FGF2: variants seen among roughly 807,000 people sequenced by gnomAD.
FGF2 encodes the protein basic fibroblast growth factor bFGF.
In FGF2, 13 loss-of-function variants were observed where a neutral mutation model predicts 15.9. That is an observed-to-expected ratio of 0.82 (90% CI 0.53 to 1.30). The LOEUF (loss-of-function observed/expected upper bound fraction) is 1.30, where lower values mean the gene tolerates loss of function less well. FGF2 is among the 50% of genes most tolerant of loss of function. The pLI is 0.00. For synonymous variants in FGF2, 90 were observed against 78.4 expected (o/e 1.15, Z -0.78); for missense variants, 163 against 196.9 (o/e 0.83, Z 1.03).
chr4:122,883,964 G>A (rs575255689), intron 2 of FGF2, among the ~76,000 whole-genome samples: 1 of 152,210 alleles, frequency 6.6e-6, no homozygotes, highest in South Asian at 2.1e-4. Context: ...ACAATGACAT[G>A]AAATCTATAA....
chr4:122,892,218 T>A lies in FGF2; in HGVS notation c.290T>A (p.Val97Asp). ...TCTTCCTTTATTTTTCAGAAATGTG[T>A]TACGGATGAGTGTTTCTTTTTTGAA... The part of the protein sequence containing the change: ...EDGRLLASKC[V>D]TDECFFFERL... Residue 97 changes from valine to aspartate, a missense_variant, in exon 3 of 3, where the codon GTT becomes GAT. Coordinates refer to ENST00000644866, the MANE Select transcript of FGF2 (RefSeq NM_001361665.2). 1 of 1,610,704 alleles carries A rather than the reference T, an allele frequency of 6.2e-7. No homozygotes were observed. The highest frequency in any genetic ancestry group is 8.5e-7 in the Non-Finnish European group (1 of 1,176,876).
intron 1 of FGF2, among the ~76,000 whole-genome samples, chr4:122,850,532 T>G (rs1293658471): frequency 6.6e-6 from 1 of 151,992 alleles, no homozygotes; most frequent in East Asian, 1.9e-4. Flanking sequence ...ATATATTTTT[T>G]GGAGGAAGCA....
chr4:122,896,975 G>A lies in FGF2; in HGVS notation c.*4579G>A, dbSNP rs373076210. The stretch of plus-strand genomic sequence containing the variant: ...TAGGAAAATTTGGTTTCTATTTTTC[G>A]ATTTCCTGTAAATCAGTGACATAAA... On this transcript the variant is annotated 3_prime_UTR_variant, in exon 3 of 3. Coordinates refer to ENST00000644866, the MANE Select transcript of FGF2 (RefSeq NM_001361665.2). 167 of 152,060 alleles carry A rather than the reference G, an allele frequency of 1.1e-3. No individual in the cohort carries two copies. Among genetic ancestry groups the A allele is most frequent in the African/African-American group, 3.9e-3 (161 of 41,502 alleles). The allele number at this position is 152,060 out of a possible 1,614,324, so 9.4% of individuals were successfully genotyped here.
chr4:122,837,707 A>G (rs897791344), intron 1 of FGF2, among the ~76,000 whole-genome samples: 1 of 151,970 alleles, frequency 6.6e-6, no homozygotes, highest in Admixed American at 6.6e-5. Context: ...GACTACTTGA[A>G]TTGGATGGGG....
chr4:122,871,791 A>G (rs1356272684), intron 1 of FGF2, among the ~76,000 whole-genome samples: 1 of 151,326 alleles, frequency 6.6e-6, no homozygotes, highest in Non-Finnish European at 1.5e-5. Context: ...CAAAAAAAAA[A>G]AAAAAAACTA....
chr4:122,830,510 A>G (rs1725741193), intron 1 of FGF2, among the ~76,000 whole-genome samples: 2 of 152,166 alleles, frequency 1.3e-5, no homozygotes, highest in African/African-American at 4.8e-5. Context: ...AATAATCTTC[A>G]TTTGACATGA....
intron 2 of FGF2, 59 bp from the exon 3 acceptor site, chr4:122,892,152 T>C: frequency 1.5e-6 from 2 of 1,351,490 alleles, no homozygotes; most frequent in Non-Finnish European, 1.0e-6. Context: ...ATATTTAATA[T>C]GAAAAGTGTA....
At chr4:122,867,759 T>C (rs954058819) in intron 1 of FGF2, among the ~76,000 whole-genome samples, 4 of 152,228 alleles carry the variant, frequency 2.6e-5, no homozygotes, top group Non-Finnish European at 4.4e-5. Context: ...CGATTGGTAA[T>C]GCTGTTCACA....
At chr4:122,834,022 G>A (rs766716369) in intron 1 of FGF2, among the ~76,000 whole-genome samples, 1 of 152,094 alleles carries the variant, frequency 6.6e-6, no homozygotes, top group East Asian at 1.9e-4. Flanking sequence ...CTTGTCACAC[G>A]CCCAGGAAAG....
intron 1 of FGF2, among the ~76,000 whole-genome samples, chr4:122,858,872 T>C (rs868810919): frequency 6.6e-6 from 1 of 152,198 alleles, no homozygotes; most frequent in South Asian, 2.1e-4. Flanking sequence ...CCAAGGAGAC[T>C]ACTAAACCTG....
At chr4:122,844,118 CCT>C (rs1726052454) in intron 1 of FGF2, among the ~76,000 whole-genome samples, 1 of 152,170 alleles carries the variant, frequency 6.6e-6, no homozygotes, top group African/African-American at 2.4e-5. Context: ...CTCTTCAAAC[CCT>C]CCTGCTGCTT....
At chr4:122,887,498 T>G (rs1727083049) in intron 2 of FGF2, among the ~76,000 whole-genome samples, 1 of 152,236 alleles carries the variant, frequency 6.6e-6, no homozygotes, top group African/African-American at 2.4e-5. Flanking sequence ...TTTTTCATTA[T>G]GTAGAAATAT....
intron 2 of FGF2, among the ~76,000 whole-genome samples, chr4:122,877,328 G>A (rs1182662660): frequency 6.6e-6 from 1 of 152,144 alleles, no homozygotes; most frequent in Admixed American, 6.5e-5. Flanking sequence ...GGCTGGGCTG[G>A]TCCTGAACTT....
At chr4:122,843,924 G>A (rs2150767461) in intron 1 of FGF2, among the ~76,000 whole-genome samples, 1 of 152,326 alleles carries the variant, frequency 6.6e-6, no homozygotes, top group African/African-American at 2.4e-5. Flanking sequence ...GTGGATGGCT[G>A]CTGACTGATG....
Position 122,866,367 on chromosome 4 carries a change from C to CAA in FGF2, c.179-9941_179-9940dup, listed in dbSNP as rs60127443. ...TGGGTGAAAGAGCGAGACTCCGTCT[C>CAA]AAAAAAAAAAAAAATAAATAAAAGT... is the stretch of plus-strand genomic sequence containing the variant. On this transcript the variant is annotated intron_variant, in intron 1 of 2. Transcript: ENST00000644866. Among the ~76,000 whole-genome samples, 523 of 132,082 alleles carry CAA rather than the reference C, an allele frequency of 4.0e-3. 6 individuals carry two copies. Among genetic ancestry groups the CAA allele is most frequent in the Middle Eastern group, 0.031 (8 of 262 alleles). 86.7% of individuals were successfully genotyped at this position (132,082 alleles called of 152,430 possible). A position where few individuals can be genotyped will look rare whatever the true frequency, so the allele number is the denominator to read the frequency against.
At chr4:122,854,214 A>G (rs1287258355) in intron 1 of FGF2, among the ~76,000 whole-genome samples, 2 of 152,380 alleles carry the variant, frequency 1.3e-5, no homozygotes, top group South Asian at 4.1e-4. Flanking sequence ...AAAGTAGTAA[A>G]CATAGAAAGG....
intron 1 of FGF2, among the ~76,000 whole-genome samples, chr4:122,837,188 T>C (rs927239764): frequency 2.6e-5 from 4 of 152,298 alleles, no homozygotes; most frequent in Admixed American, 2.6e-4. Context: ...GAAAAACTCT[T>C]AAGAGGATAG....
chr4:122,844,586 TCTTC>T (rs554560967), intron 1 of FGF2, among the ~76,000 whole-genome samples: 1,660 of 133,866 alleles, frequency 0.012, 17 homozygotes, highest in South Asian at 0.041. Flanking sequence ...TTTCTTTCTT[TCTTC>T]CTTCCTTCCT....
At chr4:122,861,895 A>G (rs779664053) in intron 1 of FGF2, among the ~76,000 whole-genome samples, 1 of 151,828 alleles carries the variant, frequency 6.6e-6, no homozygotes, top group Non-Finnish European at 1.5e-5. Flanking sequence ...TTTCCTTACT[A>G]TTGCTAATTC....
Sources: gnomAD v4.1 joint callset for allele counts (sites outside exome capture counted in the v4.1 genomes callset) on GRCh38, gnomAD v4.1.1 for gene constraint, MANE v1.5 for transcripts, NCBI Gene and HGNC (gene_info 2026-07-23, HGNC 2026-07-21) for gene names.